Variants in RBFOX1 observed in about 807,000 individuals in gnomAD.
The protein encoded by RBFOX1 is RNA binding fox-1 homolog 1.
Under a neutral mutation model 57.7 loss-of-function variants are expected in RBFOX1, and 8 were observed. The observed-to-expected ratio is 0.14, with a 90% CI of 0.08 to 0.25. RBFOX1 has a LOEUF of 0.25. RBFOX1 is among the 10% of genes least tolerant of loss of function. The pLI, the probability that RBFOX1 is intolerant of heterozygous loss-of-function variation, is 1.00. For synonymous variants in RBFOX1, 326 were observed against 222.4 expected, an observed-to-expected ratio of 1.47 and a Z score of -4.15; for missense variants, 611 against 548.5, an observed-to-expected ratio of 1.11 and a Z score of -1.14.
intron 3 of RBFOX1, among the ~76,000 whole-genome samples, chr16:5,732,447 A>C (rs2052412821): frequency 6.6e-6 from 1 of 152,196 alleles, no homozygotes; most frequent in Non-Finnish European, 1.5e-5. Flanking sequence ...AAGAGATTCA[A>C]ACTGCAGAAC....
chr16:5,414,376 C>T (rs555669819), intron 1 of RBFOX1, among the ~76,000 whole-genome samples: 8 of 152,302 alleles, frequency 5.3e-5, no homozygotes, highest in Admixed American at 3.3e-4. Flanking sequence ...ATTTTCCTCT[C>T]TGTGGGCTTG....
rs61171842 is a variant in RBFOX1, at chr16:5,677,344, T to A, written c.318+78383T>A. Reference sequence around the variant, plus strand: ...ATTCACATTTTAGTTAAACTGAGTTTTGTGTTTTGGGTAGTAAGGGCTAGT... The same window carrying A: ...ATTCACATTTTAGTTAAACTGAGTTATGTGTTTTGGGTAGTAAGGGCTAGT... On this transcript the variant is annotated intron_variant, in intron 3 of 19. Coordinates refer to the RBFOX1 transcript ENST00000641259. Among the ~76,000 whole-genome samples the A allele has an allele frequency of 8.5e-3, 1,287 of 152,304 alleles. 14 individuals carry two copies. The highest frequency in any genetic ancestry group is 0.029 in the African/African-American group (1,191 of 41,568).
At chr16:7,526,400 C>T (rs1351078859) in intron 5 of RBFOX1, among the ~76,000 whole-genome samples, 4 of 152,154 alleles carry the variant, frequency 2.6e-5, no homozygotes, top group African/African-American at 9.7e-5. Context: ...CAAGATTTGA[C>T]CCTCCATTCT....
chr16:7,002,207 A>G (rs952954710), intron 3 of RBFOX1, among the ~76,000 whole-genome samples: 2 of 152,200 alleles, frequency 1.3e-5, no homozygotes, highest in African/African-American at 4.8e-5. Context: ...AGGAAAGGGA[A>G]AAATCTTGAT....
chr16:7,121,433 C>G lies in RBFOX1; in HGVS notation c.27+69335C>G, dbSNP rs992802067. Among the ~76,000 whole-genome samples the G allele has an allele frequency of 2.6e-5, 4 of 151,956 alleles. No homozygotes were observed. In the East Asian group the frequency reaches 7.7e-4, roughly 29 times the overall value. On this transcript the variant is annotated intron_variant, in intron 4 of 15. Coordinates refer to ENST00000550418, the MANE Select transcript of RBFOX1 (RefSeq NM_018723.4). ...CATATATCTATATACTAGGAAAGAA[C>G]ATTTGGAAGTCAAAACTTAAAAACA...
chr16:6,596,545 A>G (rs2097778373), intron 2 of RBFOX1, among the ~76,000 whole-genome samples: 1 of 143,696 alleles, frequency 7.0e-6, no homozygotes, highest in Non-Finnish European at 1.5e-5. Flanking sequence ...TAGTTTCTGC[A>G]TCAGCCTCAA....
intron 3 of RBFOX1, among the ~76,000 whole-genome samples, chr16:6,658,343 C>T (rs915849131): frequency 1.3e-5 from 2 of 151,516 alleles, no homozygotes; most frequent in Non-Finnish European, 1.5e-5. Flanking sequence ...CGGGTTCAAG[C>T]GATTCTCCTG....
intron 3 of RBFOX1, among the ~76,000 whole-genome samples, chr16:6,983,171 A>G (rs373799677): frequency 2.0e-5 from 3 of 152,030 alleles, no homozygotes; most frequent in African/African-American, 7.2e-5. Context: ...TAGCACACCA[A>G]GCCTCTACCC....
chr16:6,889,220 C>T (rs562581477), intron 3 of RBFOX1, among the ~76,000 whole-genome samples: 2 of 152,288 alleles, frequency 1.3e-5, no homozygotes, highest in Non-Finnish European at 2.9e-5. Flanking sequence ...TTGAGCCTTT[C>T]CATGAAAGTG....
chr16:6,510,544 C>G (rs1289691524), intron 2 of RBFOX1, among the ~76,000 whole-genome samples: 2 of 152,102 alleles, frequency 1.3e-5, no homozygotes, highest in Non-Finnish European at 2.9e-5. Context: ...CACTGACTAC[C>G]CAAGCAATTG....
intron 1 of RBFOX1, among the ~76,000 whole-genome samples, chr16:6,102,365 A>G (rs2096322877): frequency 1.3e-5 from 2 of 152,178 alleles, no homozygotes; most frequent in South Asian, 4.1e-4. Flanking sequence ...TTAACACTGT[A>G]TAAACCCAGT....
rs922584854 is a variant in RBFOX1 at position 6,988,313 on chromosome 16, C to A, written c.-15-63744C>A. ...AGAGCAGTGTAGTCTATTGGAGTTTCCTGTGATGATGAAAGTGTTTATAAT... is the reference window on the plus strand; with the variant it reads ...AGAGCAGTGTAGTCTATTGGAGTTTACTGTGATGATGAAAGTGTTTATAAT... On this transcript the variant is annotated intron_variant, in intron 3 of 15. Coordinates refer to ENST00000550418, the MANE Select transcript of RBFOX1 (RefSeq NM_018723.4). Among the ~76,000 whole-genome samples, 4 of 152,184 alleles carry A rather than the reference C, an allele frequency of 2.6e-5. No individual in the cohort carries two copies. In the South Asian group the frequency reaches 8.3e-4, roughly 32 times the overall value.
chr16:6,326,218 C>T (rs969042617), intron 2 of RBFOX1, among the ~76,000 whole-genome samples: 2 of 152,170 alleles, frequency 1.3e-5, no homozygotes, highest in African/African-American at 4.8e-5. Context: ...TTCCTTCATT[C>T]ATTGATTCAT....
intron 2 of RBFOX1, among the ~76,000 whole-genome samples, chr16:6,491,192 A>G (rs1001519334): frequency 1.3e-5 from 2 of 151,898 alleles, no homozygotes; most frequent in African/African-American, 4.8e-5. Context: ...TTATATGTAC[A>G]TATAAACTAT....
chr16:6,511,259 C>T (rs75550019), intron 2 of RBFOX1, among the ~76,000 whole-genome samples: 13 of 152,238 alleles, frequency 8.5e-5, no homozygotes, highest in African/African-American at 2.9e-4. Context: ...AAAAGGGGTT[C>T]ACAGGAAATA....
intron 2 of RBFOX1, among the ~76,000 whole-genome samples, chr16:6,646,034 GC>G (rs1324048592): frequency 6.6e-6 from 1 of 152,096 alleles, no homozygotes; most frequent in African/African-American, 2.4e-5. Context: ...AAGTAGAAGG[GC>G]TGCCTTCTGT....
chr16:7,307,528 A>T (rs1007350394), intron 4 of RBFOX1, among the ~76,000 whole-genome samples: 1 of 152,198 alleles, frequency 6.6e-6, no homozygotes, highest in Non-Finnish European at 1.5e-5. Context: ...TGTTTCACTT[A>T]TTTGTATGTC....
chr16:7,457,792 C>A (rs1031050511), intron 4 of RBFOX1, among the ~76,000 whole-genome samples: 3 of 151,856 alleles, frequency 2.0e-5, no homozygotes, highest in Admixed American at 2.0e-4. Flanking sequence ...AGCATCTAGC[C>A]TCACACCAAG....
chr16:6,150,429 C>A (rs539071974), intron 1 of RBFOX1, among the ~76,000 whole-genome samples: 90 of 152,070 alleles, frequency 5.9e-4, no homozygotes, highest in African/African-American at 2.1e-3. Context: ...AGAAGTGGAG[C>A]TCTACTTCTG....
Sources: allele counts gnomAD v4.1 joint callset (sites outside exome capture counted in the v4.1 genomes callset), GRCh38; gene constraint gnomAD v4.1.1; transcripts MANE v1.5; gene names NCBI Gene and HGNC (gene_info 2026-07-23, HGNC 2026-07-21).